The following PPP1R1C variants were observed in gnomAD, a reference collection of about 807,000 sequenced individuals.
PPP1R1C encodes the protein protein phosphatase 1 regulatory subunit 1C.
A neutral mutation model predicts 17.4 loss-of-function variants in PPP1R1C; 15 were observed. That is an observed-to-expected ratio of 0.86 (90% confidence interval 0.58 to 1.33). The LOEUF is 1.33. Among genes scored for constraint, PPP1R1C ranks in the 40% most tolerant of loss-of-function variants. PPP1R1C has a pLI of 0.00. For missense variants in PPP1R1C, 143 were observed against 130.0 expected (o/e 1.10, Z -0.48); for synonymous variants, 35 against 43.1 (o/e 0.81, Z 0.73).
At chr2:182,063,337 G>A (rs776663089) in intron 3 of PPP1R1C, among the ~76,000 whole-genome samples, 2 of 151,908 alleles carry the variant, frequency 1.3e-5, no homozygotes, top group African/African-American at 4.8e-5. Flanking sequence ...ATAACCCCAC[G>A]AACAGATACT....
chr2:181,996,279 C>T (rs139376948), intron 2 of PPP1R1C, among the ~76,000 whole-genome samples: 51 of 152,252 alleles, frequency 3.3e-4, no homozygotes, highest in African/African-American at 1.2e-3. Flanking sequence ...CCTGTGAAAG[C>T]CAGAGGTGGA....
At chr2:182,047,367 A>G (rs1454558465) in intron 2 of PPP1R1C, among the ~76,000 whole-genome samples, 1 of 152,244 alleles carries the variant, frequency 6.6e-6, no homozygotes, top group Non-Finnish European at 1.5e-5. Flanking sequence ...GAATAATTAC[A>G]TCATTAGTTT....
rs533744249 is a variant in PPP1R1C at position 182,015,785 on chromosome 2, C to T, written c.142+27886C>T. On this transcript the variant is annotated intron_variant, in intron 2 of 4. Transcript: ENST00000682840. ...CACTGTGGCTGAGCTGGATCTAAGTCGCAAAAAAGTCCTCTTTATTCTATT... is the reference window on the plus strand; with the variant it reads ...CACTGTGGCTGAGCTGGATCTAAGTTGCAAAAAAGTCCTCTTTATTCTATT... 9.2e-5 allele frequency among the ~76,000 whole-genome samples: 14 copies of T among 152,006 alleles called. No individual in the cohort carries two copies. In the South Asian group the frequency reaches 1.0e-3, roughly 11 times the overall value.
intron 2 of PPP1R1C, among the ~76,000 whole-genome samples, chr2:182,050,888 T>C (rs1574411535): frequency 6.6e-6 from 1 of 152,348 alleles, no homozygotes; most frequent in Middle Eastern, 3.4e-3. Context: ...CAGAACACAT[T>C]GTACTACAAT....
At position 181,961,528 on chromosome 2, in the gene PPP1R1C, G is replaced by A. The variant is rs192694214; in HGVS notation, n.111+6894G>A. ...CTCCCTCAGGCTGTTCTCCAAGCTG[G>A]CCTTCAGATTTCTCATGGAGTCCAG... is the stretch of plus-strand genomic sequence containing the variant. On this transcript the variant is annotated intron_variant and non_coding_transcript_variant, in intron 1 of 5. Transcript: ENST00000464264. This position sits in a 1 kb window ranked among gnomAD's most constrained non-coding sequence, Gnocchi z 5.8. 5.3e-3 allele frequency: 5,318 copies of A among 1,007,816 alleles called. 36 individuals are homozygous for A. The highest frequency in any genetic ancestry group is 8.0e-3 in the South Asian group (592 of 73,632). The allele number at this position is 1,007,816 out of a possible 1,614,324, so 62.4% of individuals were successfully genotyped here.
At chr2:182,088,598 C>T (rs1688695853) in intron 4 of PPP1R1C, among the ~76,000 whole-genome samples, 1 of 152,174 alleles carries the variant, frequency 6.6e-6, no homozygotes, top group Non-Finnish European at 1.5e-5. Flanking sequence ...ATGTTGGTGA[C>T]TTCCATGACT....
intron 2 of PPP1R1C, among the ~76,000 whole-genome samples, chr2:182,055,705 C>G (rs576559738): frequency 2.0e-5 from 3 of 152,302 alleles, no homozygotes; most frequent in Non-Finnish European, 4.4e-5. Flanking sequence ...CTGCTTCCTT[C>G]TGGCTTCATG....
chr2:181,978,290 GC>G, intron 2 of PPP1R1C, among the ~76,000 whole-genome samples: 1 of 152,316 alleles, frequency 6.6e-6, no homozygotes, highest in African/African-American at 2.4e-5. Flanking sequence ...ACCTCTGCAT[GC>G]GACTTGGGCT....
chr2:182,066,149 A>G (rs763119763), intron 4 of PPP1R1C, among the ~76,000 whole-genome samples: 1 of 152,156 alleles, frequency 6.6e-6, no homozygotes, highest in Non-Finnish European at 1.5e-5. Flanking sequence ...GCAAATAGTG[A>G]GCTGACTATA....
At chr2:182,083,687 A>G (rs181502703) in intron 4 of PPP1R1C, among the ~76,000 whole-genome samples, 1 of 152,178 alleles carries the variant, frequency 6.6e-6, no homozygotes, top group Admixed American at 6.5e-5. Flanking sequence ...GTTTTGTTCC[A>G]TATCTTTGTA....
intron 1 of PPP1R1C, among the ~76,000 whole-genome samples, chr2:181,960,824 A>G (rs1162116744): frequency 6.6e-6 from 1 of 152,214 alleles, no homozygotes; most frequent in Non-Finnish European, 1.5e-5. Flanking sequence ...CTAAAGTACA[A>G]CGTAATCAAA....
chr2:182,039,062 T>A (rs1488761365), intron 2 of PPP1R1C, among the ~76,000 whole-genome samples: 1 of 152,212 alleles, frequency 6.6e-6, no homozygotes. Context: ...TTCTTTATGT[T>A]CTTCCACACA....
intron 2 of PPP1R1C, among the ~76,000 whole-genome samples, chr2:181,975,448 G>A (rs549684496): frequency 2.4e-4 from 36 of 151,682 alleles, no homozygotes; most frequent in Non-Finnish European, 4.9e-4. Context: ...CTTCATCTTC[G>A]ACTGTGTTTA....
At position 181,962,000 on chromosome 2, in the gene PPP1R1C, G is replaced by A; in HGVS notation, n.111+7366G>A. ...ATACTTGACTCTAAAGTCATCGGCT[G>A]CAAGACAGGCATTGTCAATCTGCAA... On this transcript the variant is annotated intron_variant and non_coding_transcript_variant, in intron 1 of 5. Coordinates refer to the PPP1R1C transcript ENST00000464264. The surrounding 1 kb of genome is among the most constrained non-coding windows in gnomAD (Gnocchi z 5.8). 1.4e-6 allele frequency: 1 copy of A among 731,216 alleles called. No individual in the cohort carries two copies. The allele number at this position is 731,216 out of a possible 1,614,324, so 45.3% of individuals were successfully genotyped here.
At chr2:182,037,555 C>T (rs1297368818) in intron 2 of PPP1R1C, among the ~76,000 whole-genome samples, 1 of 151,392 alleles carries the variant, frequency 6.6e-6, no homozygotes, top group Admixed American at 6.6e-5. Context: ...CCACTGCACT[C>T]CAGCCTGGTG....
chr2:182,126,026 C>T (rs1465466594), intron 5 of PPP1R1C, among the ~76,000 whole-genome samples: 1 of 152,036 alleles, frequency 6.6e-6, no homozygotes, highest in East Asian at 1.9e-4. Flanking sequence ...TTAGATCTTT[C>T]CCACTTTCTA....
chr2:182,034,938 C>A (rs1367916652), intron 2 of PPP1R1C, among the ~76,000 whole-genome samples: 5 of 152,196 alleles, frequency 3.3e-5, no homozygotes, highest in Non-Finnish European at 7.3e-5. Context: ...TGGCTCCTTA[C>A]ACACCTTTAA....
At chr2:181,954,646 A>G (rs954127119) in intron 1 of PPP1R1C, 2 of 152,162 alleles carry the variant, frequency 1.3e-5, no homozygotes, top group South Asian at 4.2e-4. Context: ...TTAGGAAAAA[A>G]TTCTAAACAT....
intron 2 of PPP1R1C, among the ~76,000 whole-genome samples, chr2:182,009,407 C>T (rs941054939): frequency 2.0e-5 from 3 of 152,140 alleles, no homozygotes; most frequent in Non-Finnish European, 4.4e-5. Flanking sequence ...TTTCATATAC[C>T]TATTTGCCAT....
Sources: gnomAD v4.1 joint callset for allele counts (sites outside exome capture counted in the v4.1 genomes callset) on GRCh38, gnomAD v4.1.1 for gene constraint, Gnocchi (gnomAD v3.1) non-coding constraint, MANE v1.5 for transcripts, NCBI Gene and HGNC (gene_info 2026-07-23, HGNC 2026-07-21) for gene names.